The following GRM8 variants were observed in gnomAD, a reference collection of about 807,000 sequenced individuals.
GRM8 encodes the protein metabotropic glutamate receptor 8.
Under a neutral mutation model 87.2 loss-of-function variants are expected in GRM8, and 47 were observed. The observed-to-expected ratio is 0.54, with a 90% confidence interval of 0.43 to 0.69. The LOEUF (loss-of-function observed/expected upper bound fraction) is 0.69, where lower values mean the gene tolerates loss of function less well. Among genes scored for constraint, GRM8 ranks in the 30% least tolerant of loss-of-function variants. The pLI is 0.00. For missense variants in GRM8, 1,019 were observed against 1,139.2 expected, an observed-to-expected ratio of 0.89 and a Z score of 1.52; for synonymous variants, 396 against 404.5, an observed-to-expected ratio of 0.98 and a Z score of 0.25.
At chr7:126,894,169 A>T (rs1801323786) in intron 6 of GRM8, among the ~76,000 whole-genome samples, 1 of 152,046 alleles carries the variant, frequency 6.6e-6, no homozygotes, top group South Asian at 2.1e-4. Flanking sequence ...GGTTTTAATG[A>T]ATTGGTTCCC....
At chr7:126,479,375 C>A (rs1464978255) in intron 9 of GRM8, among the ~76,000 whole-genome samples, 1 of 152,056 alleles carries the variant, frequency 6.6e-6, no homozygotes, top group Non-Finnish European at 1.5e-5. Context: ...TAGCAATACT[C>A]TCCATGAGCC....
intron 2 of GRM8, among the ~76,000 whole-genome samples, chr7:127,210,020 A>G (rs1374485009): frequency 6.6e-6 from 1 of 152,132 alleles, no homozygotes; most frequent in African/African-American, 2.4e-5. Context: ...TAGAAGTGGG[A>G]GAATTCCTAA....
At chr7:126,582,963 TAG>T (rs757400431) in intron 8 of GRM8, among the ~76,000 whole-genome samples, 60 of 152,310 alleles carry the variant, frequency 3.9e-4, no homozygotes, top group Non-Finnish European at 5.4e-4. Flanking sequence ...TGGAGATATA[TAG>T]AGAGATCAAT....
intron 6 of GRM8, among the ~76,000 whole-genome samples, chr7:126,835,657 T>C (rs1271470648): frequency 2.6e-5 from 4 of 152,262 alleles, no homozygotes; most frequent in South Asian, 2.1e-4. Flanking sequence ...AGATTTATTA[T>C]GGATTTTGGT....
rs1428127709 is a variant in GRM8 at position 126,685,361 on chromosome 7, G to A, written c.1358-75863C>T. ...GGTGGTACCATGCTTCAGGGAGCCT[G>A]CAAGAGCCCTGGACAAGCGGGAGAC... On this transcript the variant is annotated intron_variant, in intron 7 of 10. Coordinates refer to ENST00000339582, the MANE Select transcript of GRM8 (RefSeq NM_000845.3). The surrounding 1 kb of genome is among the most constrained non-coding windows in gnomAD (Gnocchi z 4.2). Among the ~76,000 whole-genome samples the A allele has an allele frequency of 6.6e-6, 1 of 152,122 alleles. No homozygotes were observed. Among genetic ancestry groups the A allele is most frequent in the Non-Finnish European group, 1.5e-5 (1 of 68,008 alleles).
intron 6 of GRM8, among the ~76,000 whole-genome samples, chr7:126,778,130 C>T (rs1454355660): frequency 6.6e-6 from 1 of 152,146 alleles, no homozygotes; most frequent in Non-Finnish European, 1.5e-5. Flanking sequence ...GAGCCACTAC[C>T]TTATCTATTT....
intron 6 of GRM8, among the ~76,000 whole-genome samples, chr7:126,790,727 T>C (rs113411351): frequency 0.015 from 2,333 of 152,184 alleles, 26 homozygotes; most frequent in Non-Finnish European, 0.024. Flanking sequence ...GCACTTATGA[T>C]AGCAGGAACA....
rs185758239 is a variant in GRM8, at chr7:126,930,474, T to C, written c.728-25791A>G. Reference sequence around the variant, plus strand: ...TGCTCTGGTCTTGCCGAGTCCTCCTTCTGACTGTGATATGTTTTTGCCTCA... The same window carrying C: ...TGCTCTGGTCTTGCCGAGTCCTCCTCCTGACTGTGATATGTTTTTGCCTCA... On this transcript the variant is annotated intron_variant, in intron 3 of 10. Transcript: ENST00000339582. Among the ~76,000 whole-genome samples, 589 of 152,272 alleles carry C rather than the reference T, an allele frequency of 3.9e-3. 4 individuals are homozygous for C. The highest frequency in any genetic ancestry group is 0.013 in the African/African-American group (558 of 41,558).
chr7:126,864,806 C>A (rs1331930098), intron 6 of GRM8, among the ~76,000 whole-genome samples: 1 of 151,974 alleles, frequency 6.6e-6, no homozygotes. Flanking sequence ...TGAAACCATC[C>A]CTACAAGAAA....
At chr7:126,494,053 T>C (rs1272149121) in intron 9 of GRM8, among the ~76,000 whole-genome samples, 2 of 151,918 alleles carry the variant, frequency 1.3e-5, no homozygotes, top group African/African-American at 4.8e-5. Context: ...TGGGGAAGCA[T>C]GGGGTATTAG....
At chr7:126,818,304 T>C (rs1793981088) in intron 6 of GRM8, among the ~76,000 whole-genome samples, 1 of 152,142 alleles carries the variant, frequency 6.6e-6, no homozygotes, top group African/African-American at 2.4e-5. Context: ...ACTTGAGATA[T>C]TTAGTAAAAG....
intron 3 of GRM8, among the ~76,000 whole-genome samples, chr7:127,032,281 C>A (rs1479607020): frequency 6.6e-6 from 1 of 152,186 alleles, no homozygotes. Context: ...ACAGCTCTCA[C>A]ACTTTCTACT....
chr7:127,038,580 A>G (rs1818064877), intron 3 of GRM8, among the ~76,000 whole-genome samples: 1 of 152,198 alleles, frequency 6.6e-6, no homozygotes, highest in Non-Finnish European at 1.5e-5. Flanking sequence ...ACTTAAAAAG[A>G]TTATTTTTTA....
chr7:126,939,194 A>G (rs1806643904), intron 3 of GRM8, among the ~76,000 whole-genome samples: 1 of 152,200 alleles, frequency 6.6e-6, no homozygotes, highest in African/African-American at 2.4e-5. Context: ...AATGAAAGAC[A>G]CCAATTCAAT....
At chr7:127,151,504 C>A (rs1385303289) in intron 2 of GRM8, among the ~76,000 whole-genome samples, 1 of 152,014 alleles carries the variant, frequency 6.6e-6, no homozygotes, top group African/African-American at 2.4e-5. Context: ...TGTGAAAAGC[C>A]ATGTCAAATT....
At chr7:127,007,886 AT>A (rs1477459862) in intron 3 of GRM8, among the ~76,000 whole-genome samples, 1 of 152,048 alleles carries the variant, frequency 6.6e-6, no homozygotes, top group African/African-American at 2.4e-5. Context: ...CAGATTAACA[AT>A]GTTCAGAGCA....
At chr7:127,091,648 G>A in intron 3 of GRM8, among the ~76,000 whole-genome samples, 1 of 59,576 alleles carries the variant, frequency 1.7e-5, no homozygotes, top group Admixed American at 2.2e-4. Context: ...TCCCACTTAT[G>A]ACCCACCCCA....
chr7:126,863,532 G>C (rs6970086), intron 6 of GRM8, among the ~76,000 whole-genome samples: 3,057 of 152,230 alleles, frequency 0.02, 106 homozygotes, highest in African/African-American at 0.069. Flanking sequence ...CTGGCAAGCG[G>C]CAGTGCTAAG....
chr7:126,985,933 T>G (rs183822498), intron 3 of GRM8, among the ~76,000 whole-genome samples: 3 of 152,314 alleles, frequency 2.0e-5, no homozygotes, highest in African/African-American at 7.2e-5. Context: ...ACTAAAAGAT[T>G]GTTAAAATAT....
Sources: allele counts gnomAD v4.1 joint callset (sites outside exome capture counted in the v4.1 genomes callset), GRCh38; gene constraint gnomAD v4.1.1; non-coding constraint Gnocchi (gnomAD v3.1); transcripts MANE v1.5; gene names NCBI Gene and HGNC (gene_info 2026-07-23, HGNC 2026-07-21).